CTBP1: variants seen among roughly 807,000 people sequenced by gnomAD.
CTBP1 encodes C-terminal-binding protein 1.
A neutral mutation model predicts 42.1 loss-of-function variants in CTBP1; 11 were observed. That is an observed-to-expected ratio of 0.26 (90% CI 0.16 to 0.43). The LOEUF (loss-of-function observed/expected upper bound fraction) is 0.43, where lower values mean the gene tolerates loss of function less well. CTBP1 is among the 20% of genes least tolerant of loss of function. CTBP1 has a pLI of 1.00. For synonymous variants in CTBP1, 324 were observed against 277.1 expected, an observed-to-expected ratio of 1.17 and a Z score of -1.68; for missense variants, 399 against 624.3, an observed-to-expected ratio of 0.64 and a Z score of 3.85.
chr4:1,242,663 G>C (rs1732299756), intron 1 of CTBP1: 5 of 985,300 alleles, frequency 5.1e-6, no homozygotes, highest in Non-Finnish European at 6.0e-6. Flanking sequence ...GTGCTGTGTG[G>C]GACTCCCTGA....
chr4:1,243,748 G>A (rs1049599723), intron 1 of CTBP1: 4 of 985,316 alleles, frequency 4.1e-6, no homozygotes, highest in Non-Finnish European at 4.8e-6. Context: ...TCTGTACCTT[G>A]CCCACACACT....
intron 5 of CTBP1, among the ~76,000 whole-genome samples, chr4:1,219,029 A>G (rs1729452192): frequency 6.6e-6 from 1 of 152,070 alleles, no homozygotes; most frequent in Non-Finnish European, 1.5e-5. Context: ...TAACAGACAC[A>G]CTTTAAACAT....
At chr4:1,214,254 C>T in intron 7 of CTBP1, 89 bp downstream of exon 7, 4 of 1,415,652 alleles carry the variant, frequency 2.8e-6, no homozygotes, top group Non-Finnish European at 3.7e-6. Flanking sequence ...AGGCAAGTGT[C>T]CGGCCTGGCA....
At chr4:1,248,785 A>C in intron 1 of CTBP1, 131 bp downstream of exon 1, 2 of 947,512 alleles carry the variant, frequency 2.1e-6, no homozygotes, top group South Asian at 4.9e-5. Flanking sequence ...GCCGGCGCGC[A>C]CGCGCACTCG....
intron 5 of CTBP1, among the ~76,000 whole-genome samples, chr4:1,222,245 G>C (rs2279282): frequency 0.44 from 67,461 of 151,970 alleles, 15,283 homozygotes; most frequent in South Asian, 0.5. Flanking sequence ...CTGCAGTCAA[G>C]GGTGCCAGGT....
chr4:1,213,035 G>T lies in CTBP1; in HGVS notation c.989-5C>A. 1 of 1,613,004 alleles carries T rather than the reference G, an allele frequency of 6.2e-7. No individual in the cohort carries two copies. The highest frequency in any genetic ancestry group is 8.5e-7 in the Non-Finnish European group (1 of 1,179,386). On this transcript the variant is annotated splice_polypyrimidine_tract_variant and splice_region_variant and intron_variant, in intron 8 of 9. Transcript: ENST00000382952. The stretch of plus-strand genomic sequence containing the variant: ...TCAGGCTGTCTGGGATCCGGCCTGG[G>T]AGATGCAGGAGGAAGGAACAGCTGT...
Position 1,221,936 on chromosome 4 carries a change from G to A in CTBP1, c.514+3424C>T, listed in dbSNP as rs1323573743. On this transcript the variant is annotated intron_variant, in intron 5 of 9. Coordinates refer to ENST00000382952, the MANE Select transcript of CTBP1 (RefSeq NM_001012614.2). ...TGTAAGTCACGGGCACCAGAGCCTC[G>A]TAGAGCAGAGGAAGCGGCCGCCCCC... The A allele has an allele frequency of 1.2e-4, 44 of 353,738 alleles. 1 individual carries two copies. Among genetic ancestry groups the A allele is most frequent in the South Asian group, 7.6e-4 (37 of 48,550 alleles). The allele number at this position is 353,738 out of a possible 1,614,324, so 21.9% of individuals were successfully genotyped here. A position where few individuals can be genotyped will look rare whatever the true frequency, so the allele number is the denominator to read the frequency against.
chr4:1,229,450 G>A (rs905499340), intron 3 of CTBP1, among the ~76,000 whole-genome samples: 1 of 152,240 alleles, frequency 6.6e-6, no homozygotes, highest in African/African-American at 2.4e-5. Context: ...GGAGACACCA[G>A]TGAGCCTCCC....
At chr4:1,245,226 C>G (rs1732595493) in intron 1 of CTBP1, 1 of 985,376 alleles carries the variant, frequency 1.0e-6, no homozygotes, top group African/African-American at 1.7e-5. Context: ...GGCCGCATCA[C>G]AGCTCAGAGG....
At chr4:1,248,852 C>A in intron 1 of CTBP1, 64 bp downstream of exon 1, 1 of 910,956 alleles carries the variant, frequency 1.1e-6, no homozygotes, top group Non-Finnish European at 1.3e-6. Flanking sequence ...GCCCCCCGCC[C>A]GCGCGGCACC....
At chr4:1,236,292 C>T (rs1282570489) in intron 3 of CTBP1, 1 of 324,654 alleles carries the variant, frequency 3.1e-6, no homozygotes. Context: ...ACCTAGTTCT[C>T]ATCACGGAGG....
At chr4:1,244,358 G>GGC in intron 1 of CTBP1, 2 of 983,144 alleles carry the variant, frequency 2.0e-6, no homozygotes, top group South Asian at 9.4e-5. Context: ...GGGCACTGGG[G>GGC]GGGGGGTGTT....
chr4:1,215,080 C>T (rs1051412759), intron 6 of CTBP1, among the ~76,000 whole-genome samples: 1 of 152,218 alleles, frequency 6.6e-6, no homozygotes, highest in Non-Finnish European at 1.5e-5. Context: ...GACAGCTGGG[C>T]AGGTCACGGT....
intron 1 of CTBP1, chr4:1,244,111 G>A (rs965342102): frequency 2.4e-5 from 24 of 985,190 alleles, no homozygotes; most frequent in Non-Finnish European, 2.8e-5. Context: ...GCACGGTGGC[G>A]GCCCGATGAC....
At position 1,238,133 on chromosome 4, in the gene CTBP1, C is replaced by T. The variant is rs772237291; in HGVS notation, c.162+50G>A. 1.2e-6 allele frequency: 2 copies of T among 1,611,402 alleles called. No individual in the cohort carries two copies. The highest frequency in any genetic ancestry group is 1.7e-6 in the Non-Finnish European group (2 of 1,179,128). ...GCCTGCCGTGCTCCCGTCCCTCCAACTCCCCCCAACGTGCGGTTCTGCCAG... is the reference window on the plus strand; with the variant it reads ...GCCTGCCGTGCTCCCGTCCCTCCAATTCCCCCCAACGTGCGGTTCTGCCAG... On this transcript the variant is annotated intron_variant, in intron 3 of 9. Transcript: ENST00000382952. The surrounding 1 kb of genome is among the most constrained non-coding windows in gnomAD (Gnocchi z 5.9).
intron 3 of CTBP1, among the ~76,000 whole-genome samples, chr4:1,230,317 T>C (rs933827714): frequency 4.6e-5 from 7 of 152,182 alleles, no homozygotes; most frequent in African/African-American, 1.2e-4. Context: ...GGAAGACCCC[T>C]GCGCTGCGTG....
intron 7 of CTBP1, chr4:1,214,062 TCA>T (rs981025914): frequency 4.2e-6 from 2 of 474,638 alleles, no homozygotes; most frequent in African/African-American, 4.1e-5. Flanking sequence ...TGGGGACCAC[TCA>T]CAGACACTGG....
intron 3 of CTBP1, among the ~76,000 whole-genome samples, chr4:1,234,218 C>T (rs779982702): frequency 2.6e-5 from 4 of 152,258 alleles, no homozygotes; most frequent in Non-Finnish European, 4.4e-5. Flanking sequence ...CGGGAGGTCA[C>T]GGCTTCTCTT....
chr4:1,215,675 G>A (rs1348649604), intron 6 of CTBP1: 10 of 410,890 alleles, frequency 2.4e-5, no homozygotes, highest in South Asian at 2.3e-4. Flanking sequence ...CACAAGGGCC[G>A]ACCCAACGCC....
Sources: allele counts gnomAD v4.1 joint callset (sites outside exome capture counted in the v4.1 genomes callset), GRCh38; gene constraint gnomAD v4.1.1; non-coding constraint Gnocchi (gnomAD v3.1); transcripts MANE v1.5; gene names NCBI Gene and HGNC (gene_info 2026-07-23, HGNC 2026-07-21).